Variants in ABR observed in about 807,000 individuals in gnomAD.
ABR encodes active breakpoint cluster region-related protein.
A neutral mutation model predicts 107.2 loss-of-function variants in ABR; 35 were observed. The ratio of observed to expected loss-of-function variants is 0.33; its 90% CI spans 0.25 to 0.43. The LOEUF (loss-of-function observed/expected upper bound fraction) is 0.43. ABR is among the 20% of genes least tolerant of loss of function. The pLI is 1.00. For synonymous variants in ABR, 498 were observed against 462.0 expected (o/e 1.08, Z -1.00); for missense variants, 815 against 1,115.2 (o/e 0.73, Z 3.83).
intron 1 of ABR, among the ~76,000 whole-genome samples, chr17:1,171,470 G>T (rs912169185): frequency 1.3e-5 from 2 of 152,190 alleles, no homozygotes. Context: ...TGCCCGGAGT[G>T]ACAAGGACTC....
At chr17:1,125,034 G>T in intron 2 of ABR, 149 bp downstream of exon 2, 1 of 767,214 alleles carries the variant, frequency 1.3e-6, no homozygotes, top group Non-Finnish European at 2.0e-6. Context: ...TCCAGGGCCA[G>T]GACGAGATGA....
chr17:1,225,099 A>C (rs1403299308), intron 1 of ABR, among the ~76,000 whole-genome samples: 1 of 150,684 alleles, frequency 6.6e-6, no homozygotes, highest in East Asian at 2.0e-4. Flanking sequence ...CAGGGAGCCC[A>C]GATGGCACCA....
Position 1,119,692 on chromosome 17 carries a change from G to A in ABR, c.246+5491C>T, listed in dbSNP as rs528613293. 1.2e-3 allele frequency among the ~76,000 whole-genome samples: 177 copies of A among 152,274 alleles called. 1 individual carries two copies. Among genetic ancestry groups the A allele is most frequent in the African/African-American group, 4.0e-3 (167 of 41,546 alleles). On this transcript the variant is annotated intron_variant, in intron 2 of 22. Transcript: ENST00000302538. ...GATTAAGGTCCTGATCTCACAGGGCGGATGCACCCCACAAGTGACCGTGCA... is the reference window on the plus strand; with the variant it reads ...GATTAAGGTCCTGATCTCACAGGGCAGATGCACCCCACAAGTGACCGTGCA...
chr17:1,061,435 G>A (rs1328171502), intron 10 of ABR, among the ~76,000 whole-genome samples: 1 of 152,248 alleles, frequency 6.6e-6, no homozygotes, highest in African/African-American at 2.4e-5. Context: ...CACTCCTGGG[G>A]CTGTAATGGT....
intron 22 of ABR, among the ~76,000 whole-genome samples, chr17:1,006,807 C>T (rs1338632832): frequency 2.6e-3 from 307 of 119,626 alleles, no homozygotes; most frequent in African/African-American, 4.9e-3. Flanking sequence ...CGTCACCCTC[C>T]GCCAGCCACG....
chr17:1,057,972 T>C lies in ABR; in HGVS notation c.1379A>G (p.Lys460Arg). 1 of 1,613,388 alleles carries C rather than the reference T, an allele frequency of 6.2e-7. No homozygotes were observed. Among genetic ancestry groups the C allele is most frequent in the Non-Finnish European group, 8.5e-7 (1 of 1,179,500 alleles). ...GCGTGGAAGAGGCAGGAATTTACCC[T>C]TCTTCTGTAGTTTCTGAATTGCTTC... is the stretch of plus-strand genomic sequence containing the variant. ...WREAIQKLQK[K>R]DLQAFVLSSV... Residue 460 changes from lysine (K) to arginine (R), a missense_variant and splice_region_variant, in exon 12 of 23, where the codon AAG becomes AGG. By Grantham distance (26) the Lys-to-Arg change is conservative. Transcript: ENST00000302538.
At position 1,050,775 on chromosome 17, in the gene ABR, A is replaced by G; in HGVS notation, c.1562-141T>C. On this transcript the variant is annotated intron_variant, in intron 14 of 22. Coordinates refer to ENST00000302538, the MANE Select transcript of ABR (RefSeq NM_021962.5). The surrounding 1 kb of genome is among the most constrained non-coding windows in gnomAD (Gnocchi z 4.6). ...TGGCATCTTGGCTCTCTCCTCCCTG[A>G]AGCCCGGGACCATCTGGCTTCTCCC... The G allele has an allele frequency of 1.4e-6, 1 of 698,436 alleles. No homozygotes were observed. The highest frequency in any genetic ancestry group is 2.5e-6 in the Non-Finnish European group (1 of 393,842). 43.3% of individuals were successfully genotyped at this position (698,436 alleles called of 1,614,324 possible).
intron 1 of ABR, among the ~76,000 whole-genome samples, chr17:1,129,715 G>A (rs1363895927): frequency 3.9e-5 from 6 of 152,126 alleles, no homozygotes; most frequent in African/African-American, 7.2e-5. Context: ...TTGGGAGGCC[G>A]AGGCAGGTGG....
At chr17:1,043,058 G>A in intron 16 of ABR, among the ~76,000 whole-genome samples, 1 of 152,196 alleles carries the variant, frequency 6.6e-6, no homozygotes, top group East Asian at 1.9e-4. Context: ...GGGGAGTTAT[G>A]ATTTAATGGG....
At chr17:1,167,087 C>CG (rs1308259103) in intron 1 of ABR, among the ~76,000 whole-genome samples, 1 of 151,952 alleles carries the variant, frequency 6.6e-6, no homozygotes. Context: ...CATCATGGCA[C>CG]GGGGGCTGGG....
chr17:1,074,516 G>A (rs2035545062), intron 6 of ABR, among the ~76,000 whole-genome samples: 1 of 152,270 alleles, frequency 6.6e-6, no homozygotes, highest in Admixed American at 6.5e-5. Context: ...TTTCCAGGAA[G>A]GGCAGCTCTC....
chr17:1,139,060 C>A (rs2440767), intron 1 of ABR, among the ~76,000 whole-genome samples: 25,457 of 152,064 alleles, frequency 0.17, 2,596 homozygotes, highest in African/African-American at 0.29. Flanking sequence ...CATTTGTAAA[C>A]ACAGTTATGC....
chr17:1,195,304 C>CAAAAAAAAA lies in ABR; in HGVS notation c.838+33480_838+33488dup, dbSNP rs564020208. On this transcript the variant is annotated intron_variant, in intron 1 of 22. Transcript: ENST00000574139. ...CCTGGGCGACAGAATGAGACTGTCT[C>CAAAAAAAAA]AAAAAAAAAAAAAAGTCCTGGCCTC... Among the ~76,000 whole-genome samples, 27 of 87,624 alleles carry CAAAAAAAAA rather than the reference C, an allele frequency of 3.1e-4. 1 individual carries two copies. Among genetic ancestry groups the CAAAAAAAAA allele is most frequent in the South Asian group, 9.3e-4 (2 of 2,158 alleles). 57.5% of individuals were successfully genotyped at this position (87,624 alleles called of 152,430 possible).
At chr17:1,023,033 C>G (rs2071824755) in intron 16 of ABR, among the ~76,000 whole-genome samples, 2 of 144,878 alleles carry the variant, frequency 1.4e-5, no homozygotes, top group African/African-American at 5.4e-5. Flanking sequence ...ACGTCCACTG[C>G]AGAGCCTCTG....
intron 4 of ABR, among the ~76,000 whole-genome samples, chr17:1,089,579 G>A (rs976654418): frequency 8.6e-4 from 131 of 152,270 alleles, no homozygotes; most frequent in African/African-American, 2.9e-3. Context: ...ATGCCCTTCC[G>A]AGTTCTCCCG....
chr17:1,196,750 A>T (rs2042577011), intron 1 of ABR, among the ~76,000 whole-genome samples: 1 of 148,476 alleles, frequency 6.7e-6, no homozygotes, highest in Non-Finnish European at 1.5e-5. Flanking sequence ...GCTGGAGTGC[A>T]GTGGCGCGAT....
intron 16 of ABR, among the ~76,000 whole-genome samples, chr17:1,020,488 C>A (rs533307205): frequency 6.6e-6 from 1 of 152,198 alleles, no homozygotes; most frequent in Non-Finnish European, 1.5e-5. Flanking sequence ...GTCCAGGAGA[C>A]GACCAGGTCC....
At position 1,092,687 on chromosome 17, in the gene ABR, T is replaced by C. The variant is rs2037112872; in HGVS notation, c.346-837A>G. Among the ~76,000 whole-genome samples, 1 of 130,158 alleles carries C rather than the reference T, an allele frequency of 7.7e-6. No homozygotes were observed. Among genetic ancestry groups the C allele is most frequent in the African/African-American group, 2.8e-5 (1 of 36,168 alleles). The allele number at this position is 130,158 out of a possible 152,430, so 85.4% of individuals were successfully genotyped here. On this transcript the variant is annotated intron_variant, in intron 3 of 22. Coordinates refer to ENST00000302538, the MANE Select transcript of ABR (RefSeq NM_021962.5). The surrounding 1 kb of genome is among the most constrained non-coding windows in gnomAD (Gnocchi z 4.6). The stretch of plus-strand genomic sequence containing the variant: ...CATTTTATAAATCACCTACAATGAA[T>C]GAATATGAATAATCAGAAAAAAAAA...
At chr17:1,031,847 C>T (rs2072808572) in intron 16 of ABR, 1 of 1,218,414 alleles carries the variant, frequency 8.2e-7, no homozygotes, top group Non-Finnish European at 1.0e-6. Context: ...TCCCCGCGCT[C>T]GCCTCCCTCC....
Sources: allele counts gnomAD v4.1 joint callset (sites outside exome capture counted in the v4.1 genomes callset), GRCh38; gene constraint gnomAD v4.1.1; non-coding constraint Gnocchi (gnomAD v3.1); transcripts MANE v1.5; gene names NCBI Gene and HGNC (gene_info 2026-07-23, HGNC 2026-07-21).